GARIN4: variants seen among roughly 807,000 people sequenced by gnomAD.
GARIN4 encodes the protein Golgi-associated RAB2 interactor protein 4.
At chr1:212,625,640 C>A in the GARIN4 span, 2 of 1,614,182 alleles carry the variant, frequency 1.2e-6, no homozygotes, top group Non-Finnish European at 1.7e-6. Context: ...CACTAATGTG[C>A]TCAATGCATC....
chr1:212,624,999 A>G, the GARIN4 span: 2 of 1,614,190 alleles, frequency 1.2e-6, no homozygotes, highest in Non-Finnish European at 1.7e-6. Flanking sequence ...GATATATTCA[A>G]GTATGCACCG....
the GARIN4 span, chr1:212,624,833 C>A: frequency 6.6e-7 from 1 of 1,503,812 alleles, no homozygotes; most frequent in Non-Finnish European, 8.9e-7. Context: ...AAGGAAGACC[C>A]AGAGACCTGC....
chr1:212,626,540 A>T, the GARIN4 span: 10,425 of 1,614,176 alleles, frequency 6.5e-3, 49 homozygotes, highest in Non-Finnish European at 7.6e-3. Context: ...CGTCATGGCT[A>T]AGATGGCGGA....
At chr1:212,625,711 A>G in the GARIN4 span, 16 of 1,613,618 alleles carry the variant, frequency 9.9e-6, no homozygotes, top group African/African-American at 1.9e-4. Context: ...TTAAAGAGGC[A>G]GCAGCAGCAG....
the GARIN4 span, chr1:212,625,695 G>C: frequency 1.2e-6 from 2 of 1,614,088 alleles, no homozygotes; most frequent in South Asian, 1.1e-5. Context: ...CCAGCAACAG[G>C]GGGGATTAAA....
the GARIN4 span, chr1:212,626,302 G>A: frequency 6.2e-7 from 1 of 1,614,214 alleles, no homozygotes; most frequent in Non-Finnish European, 8.5e-7. Context: ...ACAAAAAGGA[G>A]AAAGGCTGTG....
chr1:212,625,628 C>G, the GARIN4 span: 1 of 1,614,074 alleles, frequency 6.2e-7, no homozygotes, highest in African/African-American at 1.3e-5. Context: ...CTTTAACAAA[C>G]CCACTAATGT....
chr1:212,625,795 A>T, the GARIN4 span: 2 of 1,614,194 alleles, frequency 1.2e-6, no homozygotes, highest in Non-Finnish European at 1.7e-6. Context: ...CTGCCCCTGG[A>T]CAGGTGAGCG....
the GARIN4 span, chr1:212,625,830 T>G: frequency 1.2e-6 from 2 of 1,614,172 alleles, no homozygotes; most frequent in Non-Finnish European, 1.7e-6. Flanking sequence ...GCGGCCACCA[T>G]CGGTGCAGGA....
the GARIN4 span, chr1:212,625,424 A>G: frequency 6.2e-7 from 1 of 1,614,234 alleles, no homozygotes; most frequent in Non-Finnish European, 8.5e-7. Context: ...GAGTAACAGC[A>G]GTACCTGTGG....
the GARIN4 span, chr1:212,626,202 C>CA: frequency 2.5e-6 from 4 of 1,613,920 alleles, no homozygotes; most frequent in Admixed American, 6.7e-5. Flanking sequence ...CGCCGCAGGA[C>CA]AGGTGAAAGC....
At chr1:212,625,630 C>T in the GARIN4 span, 6 of 1,614,148 alleles carry the variant, frequency 3.7e-6, no homozygotes, top group South Asian at 6.6e-5. Context: ...TTAACAAACC[C>T]ACTAATGTGC....
the GARIN4 span, chr1:212,626,625 C>T: frequency 9.3e-6 from 15 of 1,611,040 alleles, no homozygotes; most frequent in Admixed American, 3.4e-5. Flanking sequence ...TCTATGACAC[C>T]GGACATCATG....
At chr1:212,625,082 G>A in the GARIN4 span, 4 of 1,614,124 alleles carry the variant, frequency 2.5e-6, no homozygotes, top group South Asian at 4.4e-5. Flanking sequence ...TGTCCGTATG[G>A]TGACCATGGG....
the GARIN4 span, chr1:212,626,422 C>G: frequency 3.1e-6 from 5 of 1,614,210 alleles, no homozygotes; most frequent in South Asian, 5.5e-5. Context: ...TATGGACCAC[C>G]AGTTCCGGTT....
At chr1:212,625,719 C>G in the GARIN4 span, 194 of 1,613,788 alleles carry the variant, frequency 1.2e-4, 1 homozygote, top group Non-Finnish European at 1.5e-4. Flanking sequence ...GCAGCAGCAG[C>G]AGGGGCAGCT....
the GARIN4 span, chr1:212,625,002 A>G: frequency 2.5e-6 from 4 of 1,614,176 alleles, no homozygotes; most frequent in Non-Finnish European, 8.5e-7. Context: ...ATATTCAAGT[A>G]TGCACCGATA....
At chr1:212,625,222 C>G in the GARIN4 span, 1 of 1,614,148 alleles carries the variant, frequency 6.2e-7, no homozygotes, top group Non-Finnish European at 8.5e-7. Flanking sequence ...CAGCAAAGAA[C>G]TTAGAGCTCA....
chr1:212,626,196 G>A, the GARIN4 span: 226 of 1,613,906 alleles, frequency 1.4e-4, no homozygotes, highest in Non-Finnish European at 1.9e-4. Flanking sequence ...TCCCATCGCC[G>A]CAGGACAGGT....
Sources: allele counts gnomAD v4.1 joint callset, GRCh38; gene constraint gnomAD v4.1.1; transcripts MANE v1.5; gene names NCBI Gene and HGNC (gene_info 2026-07-23, HGNC 2026-07-21).